Variants in CHRM3 observed in about 807,000 individuals in gnomAD.
The protein encoded by CHRM3 is muscarinic acetylcholine receptor M3.
A neutral mutation model predicts 41.8 loss-of-function variants in CHRM3; 11 were observed. The observed-to-expected ratio is 0.26, with a 90% CI of 0.17 to 0.44. The LOEUF is 0.44. Among genes scored for constraint, CHRM3 ranks in the 20% least tolerant of loss-of-function variants. The pLI, the probability that CHRM3 is intolerant of heterozygous loss-of-function variation, is 1.00. For synonymous variants in CHRM3, 297 were observed against 301.4 expected, an observed-to-expected ratio of 0.99 and a Z score of 0.15; for missense variants, 571 against 745.4, an observed-to-expected ratio of 0.77 and a Z score of 2.72.
chr1:239,581,128 C>G (rs1662861688), intron 3 of CHRM3, among the ~76,000 whole-genome samples: 3 of 151,920 alleles, frequency 2.0e-5, no homozygotes, highest in Admixed American at 1.3e-4. Context: ...GCATACGGTA[C>G]CATCGTGGAC....
At chr1:239,602,127 T>TATACATATAC (rs1553337694) in intron 3 of CHRM3, among the ~76,000 whole-genome samples, 1 of 132,654 alleles carries the variant, frequency 7.5e-6, no homozygotes, top group Non-Finnish European at 1.6e-5. Flanking sequence ...TATATATATA[T>TATACATATAC]ATATATATAT....
intron 5 of CHRM3, among the ~76,000 whole-genome samples, chr1:239,738,420 A>T (rs1034041138): frequency 1.3e-5 from 2 of 152,132 alleles, no homozygotes; most frequent in Non-Finnish European, 2.9e-5. Context: ...TCGGGTCATC[A>T]GGTGGTTCCA....
At position 239,908,435 on chromosome 1, in the gene CHRM3, C is replaced by A; in HGVS notation, c.984C>A (p.Asp328Glu). The change falls in exon 7 of 7, where the codon GAC becomes GAA. Residue 328 changes from aspartate to glutamate, a missense_variant. Coordinates refer to ENST00000676153, the MANE Select transcript of CHRM3 (RefSeq NM_001375978.1). This position sits in a 1 kb window ranked among gnomAD's most constrained non-coding sequence, Gnocchi z 7.2. ...GGAAACCCAGCTCCGAGCAGATGGACCAAGACCACAGCAGCAGTGACAGTT... is the reference window on the plus strand; with the variant it reads ...GGAAACCCAGCTCCGAGCAGATGGAACAAGACCACAGCAGCAGTGACAGTT... ...KSWKPSSEQM[D>E]QDHSSSDSWN... 3.7e-6 allele frequency: 6 copies of A among 1,613,964 alleles called. No individual in the cohort carries two copies. Among genetic ancestry groups the A allele is most frequent in the Non-Finnish European group, 5.1e-6 (6 of 1,179,986 alleles).
chr1:239,819,792 C>T (rs769395196), intron 5 of CHRM3, among the ~76,000 whole-genome samples: 7 of 152,116 alleles, frequency 4.6e-5, no homozygotes, highest in Non-Finnish European at 7.4e-5. Flanking sequence ...ACAGAGCAGA[C>T]GAGAGGTGTC....
At chr1:239,649,756 T>A (rs187434106) in intron 4 of CHRM3, among the ~76,000 whole-genome samples, 3 of 152,148 alleles carry the variant, frequency 2.0e-5, no homozygotes. Flanking sequence ...TGGGGTGGGT[T>A]TTCCCTGGGT....
intron 5 of CHRM3, among the ~76,000 whole-genome samples, chr1:239,818,743 G>A (rs975178183): frequency 2.0e-5 from 3 of 152,210 alleles, no homozygotes; most frequent in African/African-American, 7.2e-5. Context: ...TGGATGTTCT[G>A]CTGAGCTGAG....
chr1:239,517,716 G>A (rs1669365891), intron 2 of CHRM3, among the ~76,000 whole-genome samples: 1 of 152,096 alleles, frequency 6.6e-6, no homozygotes, highest in Non-Finnish European at 1.5e-5. Context: ...TTTATCTTTA[G>A]AAATGAGCAT....
intron 5 of CHRM3, among the ~76,000 whole-genome samples, chr1:239,799,853 C>T (rs968525959): frequency 4.6e-5 from 7 of 152,264 alleles, no homozygotes; most frequent in African/African-American, 1.4e-4. Context: ...TTATGAGTAA[C>T]AGGGTCAAAT....
At chr1:239,600,548 T>C (rs1665391007) in intron 3 of CHRM3, among the ~76,000 whole-genome samples, 1 of 152,086 alleles carries the variant, frequency 6.6e-6, no homozygotes, top group Admixed American at 6.6e-5. Flanking sequence ...AGTCATGTTT[T>C]AACTTAAAGA....
intron 2 of CHRM3, among the ~76,000 whole-genome samples, chr1:239,534,513 T>G (rs2148352018): frequency 6.6e-6 from 1 of 152,322 alleles, no homozygotes; most frequent in African/African-American, 2.4e-5. Context: ...ATGCCAAAGT[T>G]AGCCACATCT....
chr1:239,775,269 T>G (rs1668002306), intron 5 of CHRM3, among the ~76,000 whole-genome samples: 2 of 152,114 alleles, frequency 1.3e-5, no homozygotes, highest in Non-Finnish European at 2.9e-5. Context: ...TACTTATTGT[T>G]GACTGTCTGA....
At chr1:239,516,526 T>G (rs1669282924) in intron 2 of CHRM3, among the ~76,000 whole-genome samples, 1 of 152,166 alleles carries the variant, frequency 6.6e-6, no homozygotes, top group Admixed American at 6.5e-5. Flanking sequence ...TATCAAAGAG[T>G]ATGGTTAAAC....
At chr1:239,416,469 A>G (rs1661511691) in intron 1 of CHRM3, among the ~76,000 whole-genome samples, 1 of 152,176 alleles carries the variant, frequency 6.6e-6, no homozygotes, top group African/African-American at 2.4e-5. Context: ...TATGAACAAG[A>G]ATGAAATATA....
chr1:239,745,170 A>G (rs1217235424), intron 5 of CHRM3, among the ~76,000 whole-genome samples: 1 of 152,196 alleles, frequency 6.6e-6, no homozygotes, highest in African/African-American at 2.4e-5. Context: ...CTGCAACCAC[A>G]TGGGAGACAT....
intron 1 of CHRM3, among the ~76,000 whole-genome samples, chr1:239,423,437 G>A (rs1662114322): frequency 6.6e-6 from 1 of 152,168 alleles, no homozygotes; most frequent in Non-Finnish European, 1.5e-5. Context: ...ACCACTTACT[G>A]TGTCTAGCAC....
chr1:239,682,348 T>C (rs1164155265), intron 5 of CHRM3, among the ~76,000 whole-genome samples: 1 of 152,204 alleles, frequency 6.6e-6, no homozygotes, highest in Non-Finnish European at 1.5e-5. Context: ...GAGTTGTACA[T>C]TAGTACAGGC....
At chr1:239,633,956 A>G (rs957277931) in intron 4 of CHRM3, among the ~76,000 whole-genome samples, 10 of 152,228 alleles carry the variant, frequency 6.6e-5, no homozygotes, top group African/African-American at 2.2e-4. Flanking sequence ...ACATTACCCT[A>G]TCTTACTTAA....
chr1:239,566,124 G>A (rs1201692865), intron 3 of CHRM3, among the ~76,000 whole-genome samples: 1 of 151,670 alleles, frequency 6.6e-6, no homozygotes, highest in Non-Finnish European at 1.5e-5. Flanking sequence ...ATACTGCCCA[G>A]GCTGGTTTCA....
rs1666096195 is a variant in CHRM3 at position 239,471,201 on chromosome 1, A to G, written c.-520-21508A>G. Among the ~76,000 whole-genome samples the G allele has an allele frequency of 2.6e-5, 4 of 152,218 alleles. No individual in the cohort carries two copies. In the South Asian group the frequency reaches 6.2e-4, roughly 24 times the overall value. On this transcript the variant is annotated intron_variant, in intron 1 of 6. Coordinates refer to ENST00000676153, the MANE Select transcript of CHRM3 (RefSeq NM_001375978.1). ...AAGAATTTCAAAATAAGTGTTTATGATAGTAAATTTTAGTTAAACATTTCA... is the reference window on the plus strand; with the variant it reads ...AAGAATTTCAAAATAAGTGTTTATGGTAGTAAATTTTAGTTAAACATTTCA...
Sources: allele counts gnomAD v4.1 joint callset (sites outside exome capture counted in the v4.1 genomes callset), GRCh38; gene constraint gnomAD v4.1.1; non-coding constraint Gnocchi (gnomAD v3.1); transcripts MANE v1.5; gene names NCBI Gene and HGNC (gene_info 2026-07-23, HGNC 2026-07-21).